C1GALT1: variants seen among roughly 807,000 people sequenced by gnomAD.
C1GALT1 encodes the protein glycoprotein-N-acetylgalactosamine 3-beta-galactosyltransferase 1.
In C1GALT1, 11 loss-of-function variants were observed where a neutral mutation model predicts 31.0. The ratio of observed to expected loss-of-function variants is 0.36; its 90% CI spans 0.22 to 0.59. The LOEUF is 0.59. C1GALT1 is among the 20% of genes least tolerant of loss of function. The pLI is 0.79. For synonymous variants in C1GALT1, 175 were observed against 143.6 expected, an observed-to-expected ratio of 1.22 and a Z score of -1.56; for missense variants, 424 against 425.2, an observed-to-expected ratio of 1.00 and a Z score of 0.03.
chr7:7,160,340 C>T (rs1780320769), intron 2 of C1GALT1, among the ~76,000 whole-genome samples: 1 of 152,116 alleles, frequency 6.6e-6, no homozygotes, highest in Admixed American at 6.6e-5. Flanking sequence ...CCTCCAACCC[C>T]TAATCCCTGC....
intron 1 of C1GALT1, among the ~76,000 whole-genome samples, chr7:7,233,666 C>T (rs1005876772): frequency 6.6e-6 from 1 of 152,140 alleles, no homozygotes; most frequent in Non-Finnish European, 1.5e-5. Context: ...GCAAAAGTAG[C>T]CGCAGTCAGT....
At chr7:7,204,667 T>C (rs554012822) in intron 1 of C1GALT1, among the ~76,000 whole-genome samples, 1 of 152,290 alleles carries the variant, frequency 6.6e-6, no homozygotes, top group East Asian at 1.9e-4. Flanking sequence ...GAGAACTTTC[T>C]TTTTGTTTCG....
intron 2 of C1GALT1, among the ~76,000 whole-genome samples, chr7:7,157,975 T>C (rs1432475077): frequency 1.3e-5 from 2 of 152,220 alleles, no homozygotes; most frequent in Non-Finnish European, 2.9e-5. Flanking sequence ...TCCTTTAATG[T>C]TCAGATAACT....
At chr7:7,210,938 A>G (rs1007973610) in intron 1 of C1GALT1, among the ~76,000 whole-genome samples, 1 of 152,208 alleles carries the variant, frequency 6.6e-6, no homozygotes, top group Non-Finnish European at 1.5e-5. Flanking sequence ...TCTGCCTAAA[A>G]TAATTTCTTA....
intron 1 of C1GALT1, among the ~76,000 whole-genome samples, chr7:7,185,751 C>G (rs561498106): frequency 6.6e-6 from 1 of 152,288 alleles, no homozygotes; most frequent in African/African-American, 2.4e-5. Context: ...AATAAGGTCA[C>G]GTGCAGAGGT....
At chr7:7,201,814 C>A (rs746453572) in intron 1 of C1GALT1, among the ~76,000 whole-genome samples, 1 of 152,230 alleles carries the variant, frequency 6.6e-6, no homozygotes, top group Non-Finnish European at 1.5e-5. Context: ...GCCGTGGTTT[C>A]TTTGCTGCTT....
chr7:7,223,236 G>A lies in C1GALT1; in HGVS notation c.-17-11067G>A, dbSNP rs559324548. Among the ~76,000 whole-genome samples, 145 of 152,254 alleles carry A rather than the reference G, an allele frequency of 9.5e-4. 2 individuals carry two copies. Among genetic ancestry groups the A allele is most frequent in the Middle Eastern group, 6.8e-3 (2 of 294 alleles). On this transcript the variant is annotated intron_variant, in intron 1 of 3. Transcript: ENST00000436587. ...TACAGTGGCGCGATCTTGGCTCACTGCAACCTCTGCCTCCCAGGTTCAAGC... is the reference window on the plus strand; with the variant it reads ...TACAGTGGCGCGATCTTGGCTCACTACAACCTCTGCCTCCCAGGTTCAAGC...
intron 3 of C1GALT1, among the ~76,000 whole-genome samples, chr7:7,241,023 T>C (rs186035489): frequency 9.6e-4 from 146 of 152,170 alleles, no homozygotes; most frequent in African/African-American, 3.4e-3. Flanking sequence ...CACTCCACCT[T>C]CTTAGTAATA....
chr7:7,182,833 G>T lies in C1GALT1; in HGVS notation c.-18+13G>T, dbSNP rs1437260673. On this transcript the variant is annotated intron_variant, in intron 1 of 3. Coordinates refer to ENST00000436587, the MANE Select transcript of C1GALT1 (RefSeq NM_020156.5). ...CAGCTGATGTCAGGTATGGCCGGCG[G>T]AGGCGCCCTCAGGCTACGGGTCCAA... 3.0e-6 allele frequency: 3 copies of T among 985,462 alleles called. No individual in the cohort carries two copies. In the African/African-American group the frequency reaches 5.2e-5, roughly 17 times the overall value. 61.0% of individuals were successfully genotyped at this position (985,462 alleles called of 1,614,324 possible). A position where few individuals can be genotyped will look rare whatever the true frequency, so the allele number is the denominator to read the frequency against.
intron 1 of C1GALT1, among the ~76,000 whole-genome samples, chr7:7,219,249 A>G (rs1003754468): frequency 3.9e-5 from 6 of 152,262 alleles, no homozygotes; most frequent in Non-Finnish European, 7.3e-5. Flanking sequence ...AAAATATTCT[A>G]TGATACTATA....
At chr7:7,184,651 T>G (rs1258499411) in intron 1 of C1GALT1, among the ~76,000 whole-genome samples, 3 of 152,220 alleles carry the variant, frequency 2.0e-5, no homozygotes, top group African/African-American at 4.8e-5. Context: ...TTTAGAGTCT[T>G]TGTGTGGTAA....
chr7:7,244,024 A>G lies in C1GALT1; in HGVS notation c.*297A>G, dbSNP rs1274236031. Reference sequence around the variant, plus strand: ...AGATTTTGTTGCCTGTTTTCTGACCATCTGTGTTATTGTCACTGAGAAACT... The same window carrying G: ...AGATTTTGTTGCCTGTTTTCTGACCGTCTGTGTTATTGTCACTGAGAAACT... On this transcript the variant is annotated 3_prime_UTR_variant, in exon 4 of 4. Coordinates refer to ENST00000436587, the MANE Select transcript of C1GALT1 (RefSeq NM_020156.5). 2.5e-5 allele frequency: 5 copies of G among 198,992 alleles called. No individual in the cohort carries two copies. Among genetic ancestry groups the G allele is most frequent in the Admixed American group, 5.6e-5 (1 of 17,814 alleles). 12.3% of individuals were successfully genotyped at this position (198,992 alleles called of 1,614,324 possible). A position where few individuals can be genotyped will look rare whatever the true frequency, so the allele number is the denominator to read the frequency against.
intron 1 of C1GALT1, among the ~76,000 whole-genome samples, chr7:7,213,125 T>C (rs536340424): frequency 6.6e-6 from 1 of 152,318 alleles, no homozygotes; most frequent in South Asian, 2.1e-4. Flanking sequence ...TGTGAGCATG[T>C]CAGTTCTTTA....
In C1GALT1 at chr7:7,243,928, A is replaced by G. The variant is rs774517918; in HGVS notation, c.*201A>G. Reference sequence around the variant, plus strand: ...TTAAAATGTGTTTTGATACAGTAATATATAAATATGTCTATATATATGAGG... The same window carrying G: ...TTAAAATGTGTTTTGATACAGTAATGTATAAATATGTCTATATATATGAGG... On this transcript the variant is annotated 3_prime_UTR_variant, in exon 4 of 4. Transcript: ENST00000436587. The G allele has an allele frequency of 7.6e-6, 3 of 395,164 alleles. No homozygotes were observed. The East Asian group carries it at 1.3e-4, about 17-fold the overall frequency. 24.5% of individuals were successfully genotyped at this position (395,164 alleles called of 1,614,324 possible).
intron 1 of C1GALT1, among the ~76,000 whole-genome samples, chr7:7,189,066 C>G (rs769582227): frequency 2.6e-5 from 4 of 151,944 alleles, no homozygotes; most frequent in African/African-American, 4.8e-5. Flanking sequence ...AAAAAAATAC[C>G]CAGTATACCT....
At chr7:7,226,235 T>TTA (rs35301008) in intron 1 of C1GALT1, among the ~76,000 whole-genome samples, 68,958 of 151,838 alleles carry the variant, frequency 0.45, 16,601 homozygotes, top group African/African-American at 0.61. Flanking sequence ...GTATCAAAAA[T>TTA]TATTTTAATA....
At position 7,247,912 on chromosome 7, in the gene C1GALT1, C is replaced by T. The variant is rs531792846; in HGVS notation, c.*4185C>T. The T allele has an allele frequency of 2.4e-4, 36 of 152,104 alleles. No homozygotes were observed. Among genetic ancestry groups the T allele is most frequent in the African/African-American group, 7.7e-4 (32 of 41,540 alleles). 9.4% of individuals were successfully genotyped at this position (152,104 alleles called of 1,614,324 possible). On this transcript the variant is annotated 3_prime_UTR_variant, in exon 4 of 4. Coordinates refer to ENST00000436587, the MANE Select transcript of C1GALT1 (RefSeq NM_020156.5). ...TCTAAGAATAATGCCTGCTGGCTCT[C>T]GAGATACTTGCCCTACTTAAAAATC... is the stretch of plus-strand genomic sequence containing the variant.
intron 1 of C1GALT1, among the ~76,000 whole-genome samples, chr7:7,231,909 C>T (rs112701609): frequency 6.6e-6 from 1 of 152,116 alleles, no homozygotes; most frequent in African/African-American, 2.4e-5. Flanking sequence ...ATGACTCTAA[C>T]GTAGACTTCA....
chr7:7,237,530 A>G (rs989648810), intron 2 of C1GALT1, among the ~76,000 whole-genome samples: 1 of 152,160 alleles, frequency 6.6e-6, no homozygotes, highest in Non-Finnish European at 1.5e-5. Context: ...TTTCTTTGCA[A>G]ACCTGTAGTT....
Sources: allele counts gnomAD v4.1 joint callset (sites outside exome capture counted in the v4.1 genomes callset), GRCh38; gene constraint gnomAD v4.1.1; transcripts MANE v1.5; gene names NCBI Gene and HGNC (gene_info 2026-07-23, HGNC 2026-07-21).